FZD1: variants seen among roughly 807,000 people sequenced by gnomAD.
The protein encoded by FZD1 is frizzled-1.
In FZD1, 22 loss-of-function variants were observed where a neutral mutation model predicts 48.0. That is an observed-to-expected ratio of 0.46 (90% CI 0.33 to 0.65). The LOEUF (loss-of-function observed/expected upper bound fraction) is 0.65, where lower values mean the gene tolerates loss of function less well. Ranked by LOEUF, FZD1 falls within the 30% of genes least tolerant of loss-of-function variation. The probability of loss-of-function intolerance (pLI) is 0.02; values close to 1 mark genes in which losing one functional copy is unlikely to be tolerated. For missense variants in FZD1, 843 were observed against 898.1 expected, an observed-to-expected ratio of 0.94 and a Z score of 0.78; for synonymous variants, 486 against 409.6, an observed-to-expected ratio of 1.19 and a Z score of -2.25.
chr7:91,271,062 A>G lies in FZD1; in HGVS notation c.*4238A>G, dbSNP rs1803961682. 6.0e-6 allele frequency: 1 copy of G among 167,090 alleles called. No homozygotes were observed. Among genetic ancestry groups the G allele is most frequent in the Non-Finnish European group, 1.5e-5 (1 of 68,120 alleles). The allele number at this position is 167,090 out of a possible 1,614,324, so 10.4% of individuals were successfully genotyped here. A position where few individuals can be genotyped will look rare whatever the true frequency, so the allele number is the denominator to read the frequency against. On this transcript the variant is annotated 3_prime_UTR_variant, in exon 1 of 1. Transcript: ENST00000287934. ...ATTTAAAATGGGATCTTACAAGGGA[A>G]GTACCAAAAAAGTAAAGTTTATTTT...
Position 91,269,265 on chromosome 7 carries a change from A to G in FZD1, c.*2441A>G, listed in dbSNP as rs1803933704. On this transcript the variant is annotated 3_prime_UTR_variant, in exon 1 of 1. Coordinates refer to ENST00000287934, the MANE Select transcript of FZD1 (RefSeq NM_003505.2). ...TGAAGACCCCTTTTTTTAATCGTTC[A>G]AGGAACCTTCTCCAGATAAATTATC... The G allele has an allele frequency of 6.0e-6, 1 of 166,870 alleles. No individual in the cohort carries two copies. The highest frequency in any genetic ancestry group is 2.1e-4 in the South Asian group (1 of 4,820). The allele number at this position is 166,870 out of a possible 1,614,324, so 10.3% of individuals were successfully genotyped here. A position where few individuals can be genotyped will look rare whatever the true frequency, so the allele number is the denominator to read the frequency against.
chr7:91,266,509 G>C lies in FZD1; in HGVS notation c.1629G>C (p.Leu543=). 1.2e-6 allele frequency: 2 copies of C among 1,614,052 alleles called. No homozygotes were observed. Among genetic ancestry groups the C allele is most frequent in the Non-Finnish European group, 1.7e-6 (2 of 1,180,040 alleles). The change falls in exon 1 of 1, where the codon CTG becomes CTC. Residue 543 remains leucine, a synonymous_variant. Transcript: ENST00000287934. The surrounding 1 kb of genome is among the most constrained non-coding windows in gnomAD (Gnocchi z 6.8). The part of the protein sequence containing the change: ...LMVRIGVFSV[L]YTVPATIVIA... ...TGCGCATTGGCGTCTTCAGCGTGCT[G>C]TACACTGTGCCAGCCACCATCGTCA...
rs1350704543 is a variant in FZD1, at chr7:91,270,553, A to T, written c.*3729A>T. ...GACTACAATGAAGAGTTGGTGGCCAATTAAGAAAAATAATAGACTACATCA... is the reference window on the plus strand; with the variant it reads ...GACTACAATGAAGAGTTGGTGGCCATTTAAGAAAAATAATAGACTACATCA... On this transcript the variant is annotated 3_prime_UTR_variant, in exon 1 of 1. Transcript: ENST00000287934. 1 of 167,096 alleles carries T rather than the reference A, an allele frequency of 6.0e-6. No individual in the cohort carries two copies. The highest frequency in any genetic ancestry group is 2.4e-5 in the African/African-American group (1 of 41,454). 10.4% of individuals were successfully genotyped at this position (167,096 alleles called of 1,614,324 possible). A position where few individuals can be genotyped will look rare whatever the true frequency, so the allele number is the denominator to read the frequency against.
rs779481833 is a variant in FZD1 at position 91,266,176 on chromosome 7, C to T, written c.1296C>T (p.Gly432=). Residue 432 remains glycine, a synonymous_variant, in exon 1 of 1, where the codon GGC becomes GGT. Transcript: ENST00000287934. The surrounding 1 kb of genome is among the most constrained non-coding windows in gnomAD (Gnocchi z 6.8). ...ILSLTWFLAA[G]MKWGHEAIEA... ...CGCTCACCTGGTTCCTGGCGGCTGG[C>T]ATGAAGTGGGGCCACGAGGCCATCG... The T allele has an allele frequency of 9.9e-6, 16 of 1,614,056 alleles. No homozygotes were observed. The highest frequency in any genetic ancestry group is 1.4e-5 in the Non-Finnish European group (16 of 1,180,018).
Position 91,265,166 on chromosome 7 carries a change from C to G in FZD1, c.286C>G (p.Gln96Glu). Residue 96 changes from glutamine to glutamate, a missense_variant, in exon 1 of 1, where the codon CAA becomes GAA. Gln to Glu is a conservative substitution (Grantham distance 29, BLOSUM62 2). This residue lies in a region of FZD1 where 490 missense variants were observed against 466.5 expected (regional missense o/e 1.05). Coordinates refer to ENST00000287934, the MANE Select transcript of FZD1 (RefSeq NM_003505.2). The surrounding 1 kb of genome is among the most constrained non-coding windows in gnomAD (Gnocchi z 6.9). Reference sequence around the variant, plus strand: ...GCAACCGCCGCCGCCGCCTCAGCAGCAACAGAGCGGGCAGCAGTACAACGG... The same window carrying G: ...GCAACCGCCGCCGCCGCCTCAGCAGGAACAGAGCGGGCAGCAGTACAACGG... ...GQQPPPPPQQ[Q>E]QSGQQYNGER... 1 of 1,610,750 alleles carries G rather than the reference C, an allele frequency of 6.2e-7. No individual in the cohort carries two copies. Among genetic ancestry groups the G allele is most frequent in the Non-Finnish European group, 8.5e-7 (1 of 1,179,072 alleles).
In FZD1 at chr7:91,267,804, C is replaced by G. The variant is rs1352844896; in HGVS notation, c.*980C>G. The G allele has an allele frequency of 6.0e-6, 1 of 167,064 alleles. No individual in the cohort carries two copies. Among genetic ancestry groups the G allele is most frequent in the Non-Finnish European group, 1.5e-5 (1 of 68,124 alleles). The allele number at this position is 167,064 out of a possible 1,614,324, so 10.3% of individuals were successfully genotyped here. On this transcript the variant is annotated 3_prime_UTR_variant, in exon 1 of 1. Transcript: ENST00000287934. ...GTCTAAAACCTGGTATGGGTTTGGC[C>G]AGCGTCATGGAAAGATGTGGTTACT...
In FZD1 at chr7:91,264,528, G is replaced by T. The variant is rs2232155; in HGVS notation, c.-353G>T. 15 of 336,748 alleles carry T rather than the reference G, an allele frequency of 4.5e-5. No homozygotes were observed. The highest frequency in any genetic ancestry group is 1.5e-4 in the African/African-American group (7 of 46,628). 20.9% of individuals were successfully genotyped at this position (336,748 alleles called of 1,614,324 possible). A position where few individuals can be genotyped will look rare whatever the true frequency, so the allele number is the denominator to read the frequency against. Reference sequence around the variant, plus strand: ...GGCGGAGAAGGAGGCGGAGGCGCAGGGGGGAGCCGAGCCCGCTGGGCTGCG... The same window carrying T: ...GGCGGAGAAGGAGGCGGAGGCGCAGTGGGGAGCCGAGCCCGCTGGGCTGCG... On this transcript the variant is annotated 5_prime_UTR_variant, in exon 1 of 1. Transcript: ENST00000287934.
chr7:91,266,565 G>T lies in FZD1; in HGVS notation c.1685G>T (p.Arg562Leu). The T allele has an allele frequency of 6.2e-7, 1 of 1,613,746 alleles. No homozygotes were observed. The highest frequency in any genetic ancestry group is 8.5e-7 in the Non-Finnish European group (1 of 1,180,014). ...IACYFYEQAF[R>L]DQWERSWVAQ... ...TGCTACTTCTACGAGCAGGCCTTCC[G>T]GGACCAGTGGGAACGCAGCTGGGTG... Residue 562 changes from arginine (R) to leucine (L), a missense_variant, in exon 1 of 1, where the codon CGG (arginine) becomes CTG (leucine). Physicochemically the swap from Arg to Leu is moderately radical, Grantham distance 102 (BLOSUM62 -2). Around this residue, in one of 2 missense-constraint regions of FZD1, gnomAD observed 353 missense variants for 431.6 expected, o/e 0.82. Transcript: ENST00000287934. The surrounding 1 kb of genome is among the most constrained non-coding windows in gnomAD (Gnocchi z 6.8).
At position 91,266,831 on chromosome 7, in the gene FZD1, G is replaced by A. The variant is rs1482407750; in HGVS notation, c.*7G>A. The A allele has an allele frequency of 1.9e-6, 3 of 1,558,962 alleles. No homozygotes were observed. The highest frequency in any genetic ancestry group is 2.7e-5 in the African/African-American group (2 of 73,438). ...AGGGGAGACTACAGTCTGAGACCCG[G>A]GGCTCAGCCCATGCCCAGGCCTCGG... On this transcript the variant is annotated 3_prime_UTR_variant, in exon 1 of 1. Coordinates refer to ENST00000287934, the MANE Select transcript of FZD1 (RefSeq NM_003505.2). This position sits in a 1 kb window ranked among gnomAD's most constrained non-coding sequence, Gnocchi z 6.8.
In FZD1 at chr7:91,264,955, G is replaced by A. The variant is rs1241647542; in HGVS notation, c.75G>A (p.Ala25=). 1.5e-6 allele frequency: 2 copies of A among 1,352,996 alleles called. No homozygotes were observed. The highest frequency in any genetic ancestry group is 1.9e-6 in the Non-Finnish European group (2 of 1,056,434). 83.8% of individuals were successfully genotyped at this position (1,352,996 alleles called of 1,614,324 possible). Reference sequence around the variant, plus strand: ...CGAGCTGGGAACTTTGTGCCGGGGCGCTCTCGGCCCGGCTGGCGGAGGAGG... The same window carrying A: ...CGAGCTGGGAACTTTGTGCCGGGGCACTCTCGGCCCGGCTGGCGGAGGAGG... ...GGASWELCAG[A]LSARLAEEGS... The change falls in exon 1 of 1, where the codon GCG becomes GCA. Residue 25 remains alanine, a synonymous_variant. Transcript: ENST00000287934.
rs765901117 is a variant in FZD1 at position 91,264,920 on chromosome 7, G to A, written c.40G>A (p.Gly14Ser). Residue 14 changes from glycine to serine, a missense_variant, in exon 1 of 1, where the codon GGC (glycine) becomes AGC (serine). This residue lies in a region of FZD1 where 490 missense variants were observed against 466.5 expected (regional missense o/e 1.05). Coordinates refer to ENST00000287934, the MANE Select transcript of FZD1 (RefSeq NM_003505.2). The part of the protein sequence containing the change: ...EEAPKKSRAA[G>S]GGASWELCAG... ...GGCGCCTAAGAAGTCCCGGGCCGCCGGCGGTGGCGCGAGCTGGGAACTTTG... is the reference window on the plus strand; with the variant it reads ...GGCGCCTAAGAAGTCCCGGGCCGCCAGCGGTGGCGCGAGCTGGGAACTTTG... The A allele has an allele frequency of 6.7e-6, 9 of 1,335,174 alleles. No individual in the cohort carries two copies. The African/African-American group carries it at 1.1e-4, about 16-fold the overall frequency. The allele number at this position is 1,335,174 out of a possible 1,614,324, so 82.7% of individuals were successfully genotyped here.
At position 91,265,325 on chromosome 7, in the gene FZD1, G is replaced by C; in HGVS notation, c.445G>C (p.Glu149Gln). The C allele has an allele frequency of 6.2e-7, 1 of 1,614,154 alleles. No homozygotes were observed. Among genetic ancestry groups the C allele is most frequent in the Non-Finnish European group, 8.5e-7 (1 of 1,179,990 alleles). ...GHTNQEDAGL[E>Q]VHQFYPLVKV... ...CACGAACCAGGAGGACGCGGGCCTG[G>C]AGGTGCACCAGTTCTACCCTCTAGT... Residue 149 changes from glutamate to glutamine, a missense_variant, in exon 1 of 1, where the codon GAG (glutamate) becomes CAG (glutamine). Coordinates refer to ENST00000287934, the MANE Select transcript of FZD1 (RefSeq NM_003505.2). The surrounding 1 kb of genome is among the most constrained non-coding windows in gnomAD (Gnocchi z 6.9).
chr7:91,264,692 T>A lies in FZD1; in HGVS notation c.-189T>A, dbSNP rs535084233. 15 of 399,258 alleles carry A rather than the reference T, an allele frequency of 3.8e-5. No homozygotes were observed. Among genetic ancestry groups the A allele is most frequent in the African/African-American group, 2.7e-4 (13 of 48,112 alleles). 24.7% of individuals were successfully genotyped at this position (399,258 alleles called of 1,614,324 possible). ...GGTTCTCCCCGCCGCCCGCGCTTCA[T>A]GAATCGCAAGTTTCCGCGGCGGCGG... On this transcript the variant is annotated 5_prime_UTR_variant, in exon 1 of 1. The change abolishes an upstream ATG in the 5' untranslated region. Coordinates refer to ENST00000287934, the MANE Select transcript of FZD1 (RefSeq NM_003505.2).
In FZD1 at chr7:91,270,147, A is replaced by G. The variant is rs1286591765; in HGVS notation, c.*3323A>G. The G allele has an allele frequency of 6.0e-6, 1 of 166,970 alleles. No homozygotes were observed. Among genetic ancestry groups the G allele is most frequent in the Non-Finnish European group, 1.5e-5 (1 of 68,092 alleles). The allele number at this position is 166,970 out of a possible 1,614,324, so 10.3% of individuals were successfully genotyped here. ...ATTAGCATTGCTGTTTCCATGACAA[A>G]CCCTATTTTCAGATGGTTTGATTTG... On this transcript the variant is annotated 3_prime_UTR_variant, in exon 1 of 1. Coordinates refer to ENST00000287934, the MANE Select transcript of FZD1 (RefSeq NM_003505.2).
In FZD1 at chr7:91,265,344, C is replaced by T. The variant is rs766475224; in HGVS notation, c.464C>T (p.Pro155Leu). 2 of 1,614,014 alleles carry T rather than the reference C, an allele frequency of 1.2e-6. No individual in the cohort carries two copies. Among genetic ancestry groups the T allele is most frequent in the Non-Finnish European group, 1.7e-6 (2 of 1,179,982 alleles). ...DAGLEVHQFY[P>L]LVKVQCSAEL... The stretch of plus-strand genomic sequence containing the variant: ...GGCCTGGAGGTGCACCAGTTCTACC[C>T]TCTAGTGAAAGTGCAGTGTTCCGCT... Residue 155 changes from proline to leucine, a missense_variant, in exon 1 of 1, where the codon CCT becomes CTT. Physicochemically the swap from Pro to Leu is moderately conservative, Grantham distance 98. Around this residue, in one of 2 missense-constraint regions of FZD1, gnomAD observed 490 missense variants for 466.5 expected, o/e 1.05. Coordinates refer to ENST00000287934, the MANE Select transcript of FZD1 (RefSeq NM_003505.2). This position sits in a 1 kb window ranked among gnomAD's most constrained non-coding sequence, Gnocchi z 6.9.
In FZD1 at chr7:91,269,353, T is replaced by C. The variant is rs1803934933; in HGVS notation, c.*2529T>C. 6.0e-6 allele frequency: 1 copy of C among 166,900 alleles called. No individual in the cohort carries two copies. The highest frequency in any genetic ancestry group is 1.5e-5 in the Non-Finnish European group (1 of 68,066). 10.3% of individuals were successfully genotyped at this position (166,900 alleles called of 1,614,324 possible). Reference sequence around the variant, plus strand: ...GTATATATGTGTATATATAGATAAGTATACACATAAGTATATATGCATTAA... The same window carrying C: ...GTATATATGTGTATATATAGATAAGCATACACATAAGTATATATGCATTAA... On this transcript the variant is annotated 3_prime_UTR_variant, in exon 1 of 1. Coordinates refer to ENST00000287934, the MANE Select transcript of FZD1 (RefSeq NM_003505.2).
rs1168475049 is a variant in FZD1, at chr7:91,266,731, G to C, written c.1851G>C (p.Ser617=). Residue 617 remains serine, a synonymous_variant, in exon 1 of 1, where the codon TCG becomes TCC. Coordinates refer to ENST00000287934, the MANE Select transcript of FZD1 (RefSeq NM_003505.2). The surrounding 1 kb of genome is among the most constrained non-coding windows in gnomAD (Gnocchi z 6.8). ...TGACGCTGATCGTGGGCATCACGTC[G>C]GGCTTCTGGATCTGGTCCGGCAAGA... is the stretch of plus-strand genomic sequence containing the variant. ...YLMTLIVGIT[S]GFWIWSGKTL... is the part of the protein sequence containing the mutation. 2 of 1,613,460 alleles carry C rather than the reference G, an allele frequency of 1.2e-6. No individual in the cohort carries two copies. Among genetic ancestry groups the C allele is most frequent in the Non-Finnish European group, 8.5e-7 (1 of 1,179,736 alleles).
rs779097158 is a variant in FZD1, at chr7:91,266,147, C to T, written c.1267C>T (p.Leu423=). The change falls in exon 1 of 1, where the codon CTG becomes TTG. Residue 423 remains leucine, a synonymous_variant. Transcript: ENST00000287934. The surrounding 1 kb of genome is among the most constrained non-coding windows in gnomAD (Gnocchi z 6.8). Reference sequence around the variant, plus strand: ...GGCCAGCTCCATCTGGTGGGTGATCCTGTCGCTCACCTGGTTCCTGGCGGC... The same window carrying T: ...GGCCAGCTCCATCTGGTGGGTGATCTTGTCGCTCACCTGGTTCCTGGCGGC... ...SMASSIWWVI[L]SLTWFLAAGM... 46 of 1,614,234 alleles carry T rather than the reference C, an allele frequency of 2.8e-5. No homozygotes were observed. Among genetic ancestry groups the T allele is most frequent in the Non-Finnish European group, 3.7e-5 (44 of 1,180,036 alleles).
rs969731193 is a variant in FZD1 at position 91,265,645 on chromosome 7, C to T, written c.765C>T (p.Gly255=). 5 of 1,569,056 alleles carry T rather than the reference C, an allele frequency of 3.2e-6. No homozygotes were observed. Among genetic ancestry groups the T allele is most frequent in the Non-Finnish European group, 3.4e-6 (4 of 1,160,104 alleles). ...EFWTSNPQHG[G]GGHRGGFPGG... ...GGACCAGCAACCCTCAGCACGGCGG[C>T]GGAGGGCACCGTGGCGGCTTCCCGG... The change falls in exon 1 of 1, where the codon GGC becomes GGT. Residue 255 remains glycine (G), a synonymous_variant. Transcript: ENST00000287934. The surrounding 1 kb of genome is among the most constrained non-coding windows in gnomAD (Gnocchi z 6.9).
Sources: allele counts gnomAD v4.1 joint callset, GRCh38; gene constraint gnomAD v4.1.1; regional missense constraint gnomAD v4.1.1; non-coding constraint Gnocchi (gnomAD v3.1); transcripts MANE v1.5; gene names NCBI Gene and HGNC (gene_info 2026-07-23, HGNC 2026-07-21).